Variants in CACNA1A observed in about 807,000 individuals in gnomAD.
CACNA1A encodes the protein calcium voltage-gated channel subunit alpha1 A.
A neutral mutation model predicts 262.4 loss-of-function variants in CACNA1A; 57 were observed. The observed-to-expected ratio is 0.22, with a 90% CI of 0.18 to 0.27. CACNA1A has a LOEUF of 0.27. Ranked by LOEUF, CACNA1A falls within the 10% of genes least tolerant of loss-of-function variation. CACNA1A has a pLI of 1.00. For synonymous variants in CACNA1A, 1,431 were observed against 1,419.3 expected (o/e 1.01, Z -0.18); for missense variants, 2,526 against 3,562.8 (o/e 0.71, Z 7.41).
intron 3 of CACNA1A, among the ~76,000 whole-genome samples, chr19:13,417,837 C>G (rs1568625814): frequency 6.8e-6 from 1 of 146,754 alleles, no homozygotes; most frequent in Non-Finnish European, 1.5e-5. Flanking sequence ...TTGCTGTGAG[C>G]TAAGATTGCA....
intron 1 of CACNA1A, among the ~76,000 whole-genome samples, chr19:13,498,181 C>T (rs1371266169): frequency 6.6e-6 from 1 of 152,038 alleles, no homozygotes; most frequent in Admixed American, 6.6e-5. Context: ...ACGTGACAGA[C>T]TCTGGAAGAT....
At chr19:13,369,459 A>ATC (rs1188687137) in intron 4 of CACNA1A, among the ~76,000 whole-genome samples, 1 of 152,172 alleles carries the variant, frequency 6.6e-6, no homozygotes, top group Non-Finnish European at 1.5e-5. Context: ...AAGCAGGTGC[A>ATC]TCTGAACACC....
chr19:13,323,104 C>T (rs911393025), intron 10 of CACNA1A, among the ~76,000 whole-genome samples: 2 of 152,004 alleles, frequency 1.3e-5, no homozygotes, highest in African/African-American at 4.8e-5. Context: ...AAACTAAATA[C>T]AAAAGTTAGC....
At chr19:13,303,675 C>G in intron 16 of CACNA1A, 62 bp from the exon 17 acceptor site, 1 of 1,572,658 alleles carries the variant, frequency 6.4e-7, no homozygotes, top group Admixed American at 1.7e-5. Flanking sequence ...CCCTGGGTAT[C>G]TGGGTCTCTC....
In CACNA1A at chr19:13,371,763, C is replaced by A; in HGVS notation, c.556G>T (p.Gly186Trp). 6.4e-7 allele frequency: 1 copy of A among 1,573,046 alleles called. No individual in the cohort carries two copies. Among genetic ancestry groups the A allele is most frequent in the Non-Finnish European group, 8.6e-7 (1 of 1,159,256 alleles). Reference protein sequence around the residue: ...VVLTGILATVGTEFDLRTLRA... With the variant: ...VVLTGILATVWTEFDLRTLRA... Reference sequence around the variant, plus strand: ...AGCGTCCGTAGGTCAAACTCCGTCCCAACTGTCGCCAAGATGCTGAAAGAA... The same window carrying A: ...AGCGTCCGTAGGTCAAACTCCGTCCAAACTGTCGCCAAGATGCTGAAAGAA... Residue 186 changes from glycine to tryptophan, a missense_variant, in exon 4 of 47, where the codon GGG becomes TGG. This residue lies in a region of CACNA1A where 77 missense variants were observed against 228.4 expected (regional missense o/e 0.34). Coordinates refer to ENST00000360228, the MANE Select transcript of CACNA1A (RefSeq NM_001127222.2).
At chr19:13,413,311 T>G (rs2060147769) in intron 3 of CACNA1A, among the ~76,000 whole-genome samples, 1 of 151,232 alleles carries the variant, frequency 6.6e-6, no homozygotes, top group Non-Finnish European at 1.5e-5. Flanking sequence ...TTTCACTGTG[T>G]TAGCCAGGAT....
At chr19:13,285,682 GC>G (rs1207474556) in intron 20 of CACNA1A, among the ~76,000 whole-genome samples, 1 of 152,026 alleles carries the variant, frequency 6.6e-6, no homozygotes, top group African/African-American at 2.4e-5. Flanking sequence ...TGCATGGCAT[GC>G]CCCCATTAGC....
chr19:13,484,380 TCCTCCAGAGCACATAC>T (rs1319785583), intron 1 of CACNA1A, among the ~76,000 whole-genome samples: 1 of 152,038 alleles, frequency 6.6e-6, no homozygotes, highest in Admixed American at 6.6e-5. Flanking sequence ...GGCAAATACA[TCCTCCAGAGCACATAC>T]CCTTGGCAGG....
intron 4 of CACNA1A, among the ~76,000 whole-genome samples, chr19:13,369,761 C>T (rs1303058465): frequency 6.6e-6 from 1 of 152,196 alleles, no homozygotes; most frequent in African/African-American, 2.4e-5. Context: ...GCCTTGGCCT[C>T]CCAAAGTGCT....
intron 44 of CACNA1A, among the ~76,000 whole-genome samples, chr19:13,209,894 T>A (rs1308584094): frequency 6.6e-6 from 1 of 152,142 alleles, no homozygotes; most frequent in African/African-American, 2.4e-5. Flanking sequence ...ACTGCCGCAC[T>A]CATCCCTGCC....
Position 13,299,018 on chromosome 19 carries a change from C to G in CACNA1A, c.2615G>C (p.Ser872Thr). The G allele has an allele frequency of 6.3e-7, 1 of 1,589,500 alleles. No individual in the cohort carries two copies. The highest frequency in any genetic ancestry group is 8.5e-7 in the Non-Finnish European group (1 of 1,173,872). The change falls in exon 19 of 47, where the codon AGC becomes ACC. Residue 872 changes from serine to threonine, a missense_variant. By Grantham distance (58) the Ser-to-Thr change is moderately conservative. Coordinates refer to ENST00000360228, the MANE Select transcript of CACNA1A (RefSeq NM_001127222.2). ...ARYHDRARDP[S>T]GSAGLDARRP... is the part of the protein sequence containing the mutation. ...CCGTGCGTCCAGGCCCGCCGAGCCG[C>G]TGGGGTCCCGGGCCCGATCGTGGTA...
rs886043571 is a variant in CACNA1A at position 13,212,507 on chromosome 19, G to A, written c.6066C>T (p.Ser2022=). The change falls in exon 42 of 47, where the codon AGC becomes AGT. Residue 2022 remains serine, a synonymous_variant. Transcript: ENST00000360228. This position sits in a 1 kb window ranked among gnomAD's most constrained non-coding sequence, Gnocchi z 5.6. Reference sequence around the variant, plus strand: ...CCCAGGACGGGCTCTCCTTGAGGCCGCTTTCGTGAGCCATCCTGCATGGGG... The same window carrying A: ...CCCAGGACGGGCTCTCCTTGAGGCCACTTTCGTGAGCCATCCTGCATGGGG... ...DPGGALMAHE[S]GLKESPSWVT... 4.4e-6 allele frequency: 7 copies of A among 1,573,852 alleles called. No individual in the cohort carries two copies. Among genetic ancestry groups the A allele is most frequent in the South Asian group, 3.5e-5 (3 of 86,390 alleles).
intron 1 of CACNA1A, among the ~76,000 whole-genome samples, chr19:13,503,151 G>T (rs1547984): frequency 0.73 from 110,291 of 152,056 alleles, 40,987 homozygotes; most frequent in African/African-American, 0.9. Context: ...ATAGATTGTA[G>T]TAGAGTCACA....
Position 13,207,577 on chromosome 19 carries a change from A to T in CACNA1A, c.7257T>A (p.Asp2419Glu). 6.8e-7 allele frequency: 1 copy of T among 1,476,626 alleles called. No homozygotes were observed. The highest frequency in any genetic ancestry group is 9.0e-7 in the Non-Finnish European group (1 of 1,113,872). The allele number at this position is 1,476,626 out of a possible 1,614,324, so 91.5% of individuals were successfully genotyped here. ...CCTCGCCGCCCCCGCTGCCCGGGCCATCGGCCTCGTCGTAGTCGGAGCCCC... is the reference window on the plus strand; with the variant it reads ...CCTCGCCGCCCCCGCTGCCCGGGCCTTCGGCCTCGTCGTAGTCGGAGCCCC... ...YYRGSDYDEA[D>E]GPGSGGGEEA... The change falls in exon 47 of 47, where the codon GAT (aspartate) becomes GAA (glutamate). Residue 2419 changes from aspartate (D) to glutamate (E), a missense_variant. Physicochemically the swap from Asp to Glu is conservative, Grantham distance 45. Transcript: ENST00000360228. This position sits in a 1 kb window ranked among gnomAD's most constrained non-coding sequence, Gnocchi z 5.7.
At chr19:13,370,016 T>C (rs1052294560) in intron 4 of CACNA1A, among the ~76,000 whole-genome samples, 3 of 152,176 alleles carry the variant, frequency 2.0e-5, no homozygotes, top group African/African-American at 7.2e-5. Flanking sequence ...AGAGACTACT[T>C]CACAGGCTTG....
At chr19:13,307,126 T>C (rs930299408) in intron 15 of CACNA1A, among the ~76,000 whole-genome samples, 2 of 151,966 alleles carry the variant, frequency 1.3e-5, no homozygotes, top group African/African-American at 4.8e-5. Flanking sequence ...CCCAGCTAAT[T>C]ATTATTATTA....
rs898817272 is a variant in CACNA1A, at chr19:13,486,407, T to TCA, written c.293+19523_293+19524dup. Among the ~76,000 whole-genome samples the TCA allele has an allele frequency of 2.5e-5, 3 of 117,768 alleles. No individual in the cohort carries two copies. In the South Asian group the frequency reaches 8.2e-4, roughly 32 times the overall value. 77.3% of individuals were successfully genotyped at this position (117,768 alleles called of 152,430 possible). ...CTCTGTCTGTCTGTCTCTCTCTCTC[T>TCA]CACACACACACATACACACACACGT... On this transcript the variant is annotated intron_variant, in intron 1 of 46. Coordinates refer to ENST00000360228, the MANE Select transcript of CACNA1A (RefSeq NM_001127222.2).
intron 1 of CACNA1A, among the ~76,000 whole-genome samples, chr19:13,463,461 C>T (rs1004212419): frequency 2.0e-5 from 3 of 152,186 alleles, no homozygotes; most frequent in African/African-American, 7.2e-5. Flanking sequence ...GCAGGGATGG[C>T]ATGCTAACAA....
rs1443659302 is a variant in CACNA1A, at chr19:13,315,022, TGAAAGAA to T, written c.1555+2083_1555+2089del. Among the ~76,000 whole-genome samples the T allele has an allele frequency of 2.8e-4, 43 of 152,278 alleles. No homozygotes were observed. In the East Asian group the frequency reaches 7.9e-3, roughly 28 times the overall value. On this transcript the variant is annotated intron_variant, in intron 11 of 46. Transcript: ENST00000360228. ...ATGATAGCAGGTGATGCACAAGACTTGAAAGAATTACTTATCCTTAGCATTGTTGCAT... is the reference window on the plus strand; with the variant it reads ...ATGATAGCAGGTGATGCACAAGACTTTTACTTATCCTTAGCATTGTTGCAT...
Sources: allele counts gnomAD v4.1 joint callset (sites outside exome capture counted in the v4.1 genomes callset), GRCh38; gene constraint gnomAD v4.1.1; regional missense constraint gnomAD v4.1.1; non-coding constraint Gnocchi (gnomAD v3.1); transcripts MANE v1.5; gene names NCBI Gene and HGNC (gene_info 2026-07-23, HGNC 2026-07-21).